AFF3: variants seen among roughly 807,000 people sequenced by gnomAD.
AFF3 encodes the protein AF4/FMR2 family member 3.
A neutral mutation model predicts 129.7 loss-of-function variants in AFF3; 32 were observed. That is an observed-to-expected ratio of 0.25 (90% CI 0.19 to 0.33). AFF3 has a LOEUF of 0.33. AFF3 is among the 10% of genes least tolerant of loss of function. The pLI is 1.00. For missense variants in AFF3, 1,373 were observed against 1,592.0 expected, an observed-to-expected ratio of 0.86 and a Z score of 2.34; for synonymous variants, 644 against 635.4, an observed-to-expected ratio of 1.01 and a Z score of -0.20.
At chr2:99,811,795 T>C (rs988744723) in intron 8 of AFF3, among the ~76,000 whole-genome samples, 1 of 152,252 alleles carries the variant, frequency 6.6e-6, no homozygotes, top group Non-Finnish European at 1.5e-5. Context: ...GGGCACTTCA[T>C]GCACACAGTT....
chr2:99,750,582 A>T (rs1420426841), intron 9 of AFF3, among the ~76,000 whole-genome samples: 2 of 151,718 alleles, frequency 1.3e-5, no homozygotes, highest in Non-Finnish European at 2.9e-5. Flanking sequence ...TGCCTGGCTA[A>T]TTTTTTCATA....
At chr2:99,834,426 C>T (rs923968716) in intron 8 of AFF3, among the ~76,000 whole-genome samples, 1 of 152,180 alleles carries the variant, frequency 6.6e-6, no homozygotes, top group African/African-American at 2.4e-5. Flanking sequence ...CCTCAGTCAA[C>T]GTCAGCTCTT....
intron 13 of AFF3, among the ~76,000 whole-genome samples, chr2:99,648,885 G>GCACACACACACACACACACA (rs1185084808): frequency 1.1e-5 from 1 of 93,752 alleles, no homozygotes; most frequent in Non-Finnish European, 2.1e-5. Flanking sequence ...AAACACGCGC[G>GCACACACACACACACACACA]CACACACACA....
At chr2:99,561,047 T>C (rs1200994414) in intron 20 of AFF3, among the ~76,000 whole-genome samples, 1 of 152,204 alleles carries the variant, frequency 6.6e-6, no homozygotes, top group Non-Finnish European at 1.5e-5. Flanking sequence ...CCCAACAACA[T>C]ACCAAATTAC....
chr2:100,020,487 G>T (rs1342188802), intron 4 of AFF3, among the ~76,000 whole-genome samples: 1 of 151,938 alleles, frequency 6.6e-6, no homozygotes, highest in Admixed American at 6.6e-5. Context: ...CTCCCTATGT[G>T]GCCTTCTCAA....
chr2:100,084,455 C>T (rs1007612596), intron 4 of AFF3, among the ~76,000 whole-genome samples: 6 of 152,338 alleles, frequency 3.9e-5, no homozygotes, highest in Admixed American at 6.5e-5. Flanking sequence ...ATCTGGTTCA[C>T]AGTCTGTGTT....
Position 99,672,175 on chromosome 2 carries a change from T to TACAC in AFF3, c.1143+362_1143+363insGTGT, listed in dbSNP as rs1558728727. ...TTTGATCTCCAGAAGGCCAGTTAGCTTCTCACACACACACACACACACACA... is the reference window on the plus strand; with the variant it reads ...TTTGATCTCCAGAAGGCCAGTTAGCTACACTCTCACACACACACACACACACACA... On this transcript the variant is annotated intron_variant, in intron 12 of 24. Transcript: ENST00000672756. Among the ~76,000 whole-genome samples, 297 of 139,628 alleles carry TACAC rather than the reference T, an allele frequency of 2.1e-3. 3 individuals are homozygous for TACAC. The highest frequency in any genetic ancestry group is 5.6e-3 in the East Asian group (27 of 4,802). The allele number at this position is 139,628 out of a possible 152,430, so 91.6% of individuals were successfully genotyped here. A position where few individuals can be genotyped will look rare whatever the true frequency, so the allele number is the denominator to read the frequency against.
chr2:99,817,502 C>T (rs1349477880), intron 8 of AFF3, among the ~76,000 whole-genome samples: 4 of 152,158 alleles, frequency 2.6e-5, no homozygotes, highest in Non-Finnish European at 1.5e-5. Flanking sequence ...GGGATTACTG[C>T]TCCTTCCAGA....
intron 4 of AFF3, among the ~76,000 whole-genome samples, chr2:100,093,781 A>G (rs3877637): frequency 0.13 from 19,213 of 151,558 alleles, 1,570 homozygotes; most frequent in South Asian, 0.19. Flanking sequence ...GGGCTCTACA[A>G]TATGCCGCCG....
At chr2:99,632,554 G>A (rs772013852) in intron 13 of AFF3, among the ~76,000 whole-genome samples, 26 of 152,112 alleles carry the variant, frequency 1.7e-4, no homozygotes, top group African/African-American at 3.1e-4. Context: ...TGAGCTCCCC[G>A]GGGCTGGGGT....
At chr2:99,728,517 T>C (rs546573563) in intron 10 of AFF3, among the ~76,000 whole-genome samples, 58 of 152,316 alleles carry the variant, frequency 3.8e-4, no homozygotes, top group African/African-American at 1.3e-3. Context: ...CCCAAAGGTA[T>C]TGCCCAAACT....
chr2:100,099,792 T>A (rs1217849378), intron 4 of AFF3, among the ~76,000 whole-genome samples: 1 of 151,840 alleles, frequency 6.6e-6, no homozygotes, highest in African/African-American at 2.4e-5. Context: ...TGGGAAATTC[T>A]AAAAAAAAGA....
At chr2:99,961,764 C>T (rs1677231762) in intron 7 of AFF3, among the ~76,000 whole-genome samples, 2 of 152,152 alleles carry the variant, frequency 1.3e-5, no homozygotes, top group East Asian at 1.9e-4. Context: ...GAAGGCAACC[C>T]GGACCTGGCA....
At chr2:99,847,329 C>T (rs1476402916) in intron 7 of AFF3, among the ~76,000 whole-genome samples, 1 of 151,848 alleles carries the variant, frequency 6.6e-6, no homozygotes, top group Non-Finnish European at 1.5e-5. Context: ...GCACCTGCCA[C>T]CACGCCCAGA....
At chr2:99,913,599 A>C (rs1695253747) in intron 7 of AFF3, among the ~76,000 whole-genome samples, 2 of 152,230 alleles carry the variant, frequency 1.3e-5, no homozygotes, top group South Asian at 4.1e-4. Context: ...TAATGAGCAC[A>C]TGTGGTATCC....
chr2:99,856,927 C>T (rs544597734), intron 7 of AFF3, among the ~76,000 whole-genome samples: 2 of 152,126 alleles, frequency 1.3e-5, no homozygotes, highest in African/African-American at 4.8e-5. Flanking sequence ...TAGGAGAGAA[C>T]TATTAAACTT....
chr2:99,657,887 C>T (rs1285652858), intron 12 of AFF3, among the ~76,000 whole-genome samples: 1 of 152,194 alleles, frequency 6.6e-6, no homozygotes, highest in Non-Finnish European at 1.5e-5. Flanking sequence ...GATCTGGGGG[C>T]CTTACGTGAG....
chr2:100,130,645 G>A (rs1052240832), intron 1 of AFF3, among the ~76,000 whole-genome samples: 2 of 152,146 alleles, frequency 1.3e-5, no homozygotes, highest in African/African-American at 4.8e-5. Flanking sequence ...TGATTTCCAG[G>A]AAGCTTCGGA....
At chr2:99,733,430 A>G (rs1369466655) in intron 10 of AFF3, among the ~76,000 whole-genome samples, 3 of 150,370 alleles carry the variant, frequency 2.0e-5, no homozygotes, top group Non-Finnish European at 4.4e-5. Flanking sequence ...AACTTTTCCC[A>G]GTGTTAGCCT....
Sources: gnomAD v4.1 joint callset for allele counts (sites outside exome capture counted in the v4.1 genomes callset) on GRCh38, gnomAD v4.1.1 for gene constraint, MANE v1.5 for transcripts, NCBI Gene and HGNC (gene_info 2026-07-23, HGNC 2026-07-21) for gene names.